OR52A5: variants seen among roughly 807,000 people sequenced by gnomAD.
OR52A5 encodes olfactory receptor family 52 subfamily A member 5, also known as olfactory receptor 52A5.
OR52A5 carries 16 observed loss-of-function variants against 18.2 expected under a neutral mutation model. The ratio of observed to expected loss-of-function variants is 0.88; its 90% confidence interval spans 0.60 to 1.34. OR52A5 has a LOEUF of 1.34. OR52A5 is among the 40% of genes most tolerant of loss of function. The probability of loss-of-function intolerance (pLI) is 0.00; values close to 1 mark genes in which losing one functional copy is unlikely to be tolerated. For missense variants in OR52A5, 418 were observed against 383.0 expected, an observed-to-expected ratio of 1.09 and a Z score of -0.76; for synonymous variants, 140 against 137.2, an observed-to-expected ratio of 1.02 and a Z score of -0.14.
rs780719953 is a variant in OR52A5 at position 5,131,892 on chromosome 11, AG to A, written c.750del (p.Phe251SerfsTer35). The A allele has an allele frequency of 3.7e-6, 6 of 1,614,212 alleles. No individual in the cohort carries two copies. The South Asian group carries it at 6.6e-5, about 18-fold the overall frequency. ...AAGGCAAGAAGGTAGAACTGTAGGA[AG>A]ACACAAATGTGGGCAATGCATGTAT... ...AFNTCIAHICVFLQFYLLAFF... is the reference protein window; with the variant it reads ...AFNTCIAHICXFLQFYLLAFF... On this transcript the variant is annotated frameshift_variant, in exon 2 of 2. Coordinates refer to ENST00000307388, the MANE Select transcript of OR52A5 (RefSeq NM_001005160.3). LOFTEE classifies it high-confidence loss of function.
intron 1 of OR52A5, among the ~76,000 whole-genome samples, chr11:5,133,240 C>T (rs1302274136): frequency 1.6e-4 from 25 of 151,586 alleles, no homozygotes; most frequent in African/African-American, 4.6e-4. Context: ...TGGTGGCAGG[C>T]GCCTGTAGTC....
Position 5,131,730 on chromosome 11 carries a change from G to A in OR52A5, c.913C>T (p.His305Tyr), listed in dbSNP as rs1279741768. The change falls in exon 2 of 2, where the codon CAT becomes TAT. Residue 305 changes from histidine (H) to tyrosine (Y), a missense_variant. Physicochemically the swap from His to Tyr is moderately conservative, Grantham distance 83 (BLOSUM62 2). Transcript: ENST00000307388. ...YGVKTKQIRDHIVKVFFFKKV... is the reference protein window; with the variant it reads ...YGVKTKQIRDYIVKVFFFKKV... ...TTGAAGAAAAACACTTTCACAATATGGTCACGAATTTGCTTGGTCTTCACT... is the reference window on the plus strand; with the variant it reads ...TTGAAGAAAAACACTTTCACAATATAGTCACGAATTTGCTTGGTCTTCACT... 1 of 1,613,254 alleles carries A rather than the reference G, an allele frequency of 6.2e-7. No homozygotes were observed. Among genetic ancestry groups the A allele is most frequent in the Non-Finnish European group, 8.5e-7 (1 of 1,179,598 alleles).
rs1359884413 is a variant in OR52A5 at position 5,131,185 on chromosome 11, A to C, written c.*507T>G. ...TAGTTTCTGTACTCAAGATGCTTTC[A>C]GTGGGTAACAGAATTTGTATGTTCA... On this transcript the variant is annotated 3_prime_UTR_variant, in exon 2 of 2. Coordinates refer to ENST00000307388, the MANE Select transcript of OR52A5 (RefSeq NM_001005160.3). 6.5e-6 allele frequency: 1 copy of C among 153,116 alleles called. No homozygotes were observed. The highest frequency in any genetic ancestry group is 1.5e-5 in the Non-Finnish European group (1 of 68,686). The allele number at this position is 153,116 out of a possible 1,614,324, so 9.5% of individuals were successfully genotyped here. A position where few individuals can be genotyped will look rare whatever the true frequency, so the allele number is the denominator to read the frequency against.
In OR52A5 at chr11:5,129,360, T is replaced by C. The variant is rs955090383; in HGVS notation, c.*2332A>G. On this transcript the variant is annotated 3_prime_UTR_variant, in exon 2 of 2. Coordinates refer to ENST00000307388, the MANE Select transcript of OR52A5 (RefSeq NM_001005160.3). ...AGGAAATAACATGCCCAGGAGTATG[T>C]AGAATGTTAAAGGAAGGGTAATGGA... 3 of 152,102 alleles carry C rather than the reference T, an allele frequency of 2.0e-5. No homozygotes were observed. Among genetic ancestry groups the C allele is most frequent in the Non-Finnish European group, 4.4e-5 (3 of 68,020 alleles). The allele number at this position is 152,102 out of a possible 1,614,324, so 9.4% of individuals were successfully genotyped here.
rs1457296086 is a variant in OR52A5 at position 5,131,815 on chromosome 11, A to G, written c.828T>C (p.His276=). ...RFGSHIPPYI[H]ILLSNLYLLV... ...ACAGGTAAAGATTTGACAAGAGGAT[A>G]TGAATATATGGTGGTATGTGTGAAC... The change falls in exon 2 of 2, where the codon CAT becomes CAC. Residue 276 remains histidine, a synonymous_variant. Transcript: ENST00000307388. 6.2e-7 allele frequency: 1 copy of G among 1,614,046 alleles called. No homozygotes were observed. Among genetic ancestry groups the G allele is most frequent in the Admixed American group, 1.7e-5 (1 of 60,028 alleles).
chr11:5,133,226 A>G (rs1156773978), intron 1 of OR52A5, among the ~76,000 whole-genome samples: 9 of 151,688 alleles, frequency 5.9e-5, no homozygotes, highest in African/African-American at 1.9e-4. Flanking sequence ...AAAATTAGCC[A>G]GTGTGGTGGC....
In OR52A5 at chr11:5,132,005, T is replaced by G; in HGVS notation, c.638A>C (p.Asp213Ala). The change falls in exon 2 of 2, where the codon GAC (aspartate) becomes GCC (alanine). Residue 213 changes from aspartate (D) to alanine (A), a missense_variant. By Grantham distance (126) the Asp-to-Ala change is moderately radical. Transcript: ENST00000307388. ...LFVAFAILGF[D>A]IIFITLSYVQ... is the part of the protein sequence containing the mutation. Reference sequence around the variant, plus strand: ...ATAGGACAAGGTTATAAATATTATGTCAAACCCTAGGATTGCAAAGGCAAC... The same window carrying G: ...ATAGGACAAGGTTATAAATATTATGGCAAACCCTAGGATTGCAAAGGCAAC... The G allele has an allele frequency of 6.2e-7, 1 of 1,614,204 alleles. No individual in the cohort carries two copies. Among genetic ancestry groups the G allele is most frequent in the Non-Finnish European group, 8.5e-7 (1 of 1,180,036 alleles).
Position 5,131,618 on chromosome 11 carries a change from T to C in OR52A5, c.*74A>G, listed in dbSNP as rs1341817822. The C allele has an allele frequency of 8.7e-6, 7 of 801,646 alleles. No homozygotes were observed. Among genetic ancestry groups the C allele is most frequent in the African/African-American group, 7.0e-5 (4 of 57,388 alleles). 49.7% of individuals were successfully genotyped at this position (801,646 alleles called of 1,614,324 possible). A position where few individuals can be genotyped will look rare whatever the true frequency, so the allele number is the denominator to read the frequency against. On this transcript the variant is annotated 3_prime_UTR_variant, in exon 2 of 2. Coordinates refer to ENST00000307388, the MANE Select transcript of OR52A5 (RefSeq NM_001005160.3). ...GTGTTGAGCTAGTAGTTTGAGAATA[T>C]TGATCTGTGACTTTCATTATATTTA...
chr11:5,132,772 G>A (rs888837121), intron 1 of OR52A5, 70 bp from the exon 2 acceptor site: 11 of 550,966 alleles, frequency 2.0e-5, no homozygotes, highest in Admixed American at 3.4e-5. Flanking sequence ...TTTTAGGAGT[G>A]TATCATGTTG....
At position 5,131,273 on chromosome 11, in the gene OR52A5, G is replaced by T. The variant is rs79476256; in HGVS notation, c.*419C>A. 6,311 of 153,506 alleles carry T rather than the reference G, an allele frequency of 0.041. 411 individuals are homozygous for T. Among genetic ancestry groups the T allele is most frequent in the African/African-American group, 0.14 (5,989 of 41,474 alleles). 9.5% of individuals were successfully genotyped at this position (153,506 alleles called of 1,614,324 possible). A position where few individuals can be genotyped will look rare whatever the true frequency, so the allele number is the denominator to read the frequency against. The stretch of plus-strand genomic sequence containing the variant: ...AAGTTAGGTAAAAATCAATAAAATT[G>T]TGTGGTTCTAGAAGGATATTTGATA... On this transcript the variant is annotated 3_prime_UTR_variant, in exon 2 of 2. Coordinates refer to ENST00000307388, the MANE Select transcript of OR52A5 (RefSeq NM_001005160.3).
intron 1 of OR52A5, among the ~76,000 whole-genome samples, chr11:5,137,663 T>C (rs1341503689): frequency 1.3e-5 from 2 of 152,150 alleles, no homozygotes; most frequent in Admixed American, 6.5e-5. Context: ...ACACCAGTCA[T>C]AGATAATAGC....
intron 1 of OR52A5, 188 bp downstream of exon 1, chr11:5,138,123 T>C (rs1199063681): frequency 6.6e-6 from 1 of 152,226 alleles, no homozygotes; most frequent in Non-Finnish European, 1.5e-5. Flanking sequence ...CATCGACTGA[T>C]CATAAATATT....
At chr11:5,134,895 T>C (rs2133525325) in intron 1 of OR52A5, among the ~76,000 whole-genome samples, 1 of 152,228 alleles carries the variant, frequency 6.6e-6, no homozygotes, top group South Asian at 2.1e-4. Context: ...TTTTAACTTA[T>C]TTTTGAGATT....
In OR52A5 at chr11:5,131,487, T is replaced by C. The variant is rs912880875; in HGVS notation, c.*205A>G. Reference sequence around the variant, plus strand: ...TTCATATTATTTTTATATTGATAAGTATTTCAGATAAAGTAAATAAGACAC... The same window carrying C: ...TTCATATTATTTTTATATTGATAAGCATTTCAGATAAAGTAAATAAGACAC... On this transcript the variant is annotated 3_prime_UTR_variant, in exon 2 of 2. Coordinates refer to ENST00000307388, the MANE Select transcript of OR52A5 (RefSeq NM_001005160.3). 40 of 382,360 alleles carry C rather than the reference T, an allele frequency of 1.0e-4. No individual in the cohort carries two copies. Among genetic ancestry groups the C allele is most frequent in the African/African-American group, 8.0e-4 (40 of 49,780 alleles). The allele number at this position is 382,360 out of a possible 1,614,324, so 23.7% of individuals were successfully genotyped here.
In OR52A5 at chr11:5,131,761, G is replaced by T; in HGVS notation, c.882C>A (p.Val294=). 2 of 1,613,952 alleles carry T rather than the reference G, an allele frequency of 1.2e-6. No individual in the cohort carries two copies. The highest frequency in any genetic ancestry group is 2.2e-5 in the South Asian group (2 of 91,026). ...GAATTTGCTTGGTCTTCACTCCATA[G>T]ACAATAGGGTTGAGAAAAGGTGGGA... ...LLVPPFLNPI[V]YGVKTKQIRD... Residue 294 remains valine, a synonymous_variant, in exon 2 of 2, where the codon GTC becomes GTA. Transcript: ENST00000307388.
chr11:5,133,091 C>T (rs1314542497), intron 1 of OR52A5, among the ~76,000 whole-genome samples: 4 of 152,208 alleles, frequency 2.6e-5, no homozygotes, highest in South Asian at 2.1e-4. Flanking sequence ...ATCCACAGGC[C>T]GGGCACAGTG....
intron 1 of OR52A5, among the ~76,000 whole-genome samples, chr11:5,136,446 C>T (rs748734932): frequency 1.3e-5 from 2 of 152,168 alleles, no homozygotes; most frequent in Admixed American, 6.6e-5. Context: ...TGGCTCCTAT[C>T]CATTGAATGC....
At chr11:5,134,468 T>C (rs960078550) in intron 1 of OR52A5, among the ~76,000 whole-genome samples, 4 of 152,134 alleles carry the variant, frequency 2.6e-5, no homozygotes, top group South Asian at 2.1e-4. Context: ...AAAAATAAAT[T>C]AGAGGTTTAT....
chr11:5,137,968 C>A (rs1016005238), intron 1 of OR52A5, among the ~76,000 whole-genome samples: 1 of 152,206 alleles, frequency 6.6e-6, no homozygotes, highest in African/African-American at 2.4e-5. Flanking sequence ...GTGAGCAGTT[C>A]TCCTAAATCT....
Sources: gnomAD v4.1 joint callset for allele counts (sites outside exome capture counted in the v4.1 genomes callset) on GRCh38, gnomAD v4.1.1 for gene constraint, MANE v1.5 for transcripts, NCBI Gene and HGNC (gene_info 2026-07-23, HGNC 2026-07-21) for gene names.